HS6ST2: variants seen among roughly 807,000 people sequenced by gnomAD.
HS6ST2 encodes heparan-sulfate 6-O-sulfotransferase 2.
In HS6ST2, 17 loss-of-function variants were observed where a neutral mutation model predicts 33.0. That is an observed-to-expected ratio of 0.52 (90% CI 0.35 to 0.77). The LOEUF (loss-of-function observed/expected upper bound fraction) is 0.77, where lower values mean the gene tolerates loss of function less well. HS6ST2 is among the 30% of genes least tolerant of loss of function. The probability of loss-of-function intolerance (pLI) is 0.01; values close to 1 mark genes in which losing one functional copy is unlikely to be tolerated. For missense variants in HS6ST2, 519 were observed against 551.7 expected (o/e 0.94, Z 0.59); for synonymous variants, 248 against 237.1 (o/e 1.05, Z -0.42).
chrX:132,642,151 A>G (rs1419800415), intron 4 of HS6ST2, among the ~76,000 whole-genome samples: 2 of 110,620 alleles, frequency 1.8e-5, no homozygotes, highest in Non-Finnish European at 3.8e-5. Context: ...CCGTCAATAA[A>G]TATTAAGGCA....
intron 2 of HS6ST2, among the ~76,000 whole-genome samples, chrX:132,767,410 G>C (rs750829608): frequency 5.0e-4 from 56 of 111,606 alleles, no homozygotes; most frequent in Non-Finnish European, 9.0e-4. Flanking sequence ...GTAGTGAAGA[G>C]GTCTCGCTGT....
intron 2 of HS6ST2, among the ~76,000 whole-genome samples, chrX:132,956,353 C>T (rs1285541618): frequency 9.9e-6 from 1 of 101,454 alleles, no homozygotes; most frequent in Non-Finnish European, 2.0e-5. Flanking sequence ...GGGGGGAAAG[C>T]GGGGGGAGGG....
intron 2 of HS6ST2, among the ~76,000 whole-genome samples, chrX:132,951,862 T>C (rs1456422428): frequency 8.9e-6 from 1 of 112,551 alleles, no homozygotes; most frequent in Non-Finnish European, 1.9e-5. Flanking sequence ...AAAGACATTA[T>C]TGATTTTCAA....
intron 2 of HS6ST2, among the ~76,000 whole-genome samples, chrX:132,945,622 C>G (rs2066944167): frequency 9.1e-6 from 1 of 110,013 alleles, no homozygotes; most frequent in African/African-American, 3.3e-5. Flanking sequence ...CCAATGATGA[C>G]AGACTGGATT....
chrX:132,826,883 C>G (rs1189088925), intron 2 of HS6ST2, among the ~76,000 whole-genome samples: 3 of 111,168 alleles, frequency 2.7e-5, no homozygotes, highest in African/African-American at 9.8e-5. Context: ...AGCTGGGGAC[C>G]TGTCTACAGA....
chrX:132,895,605 C>T (rs1481272370), intron 2 of HS6ST2, among the ~76,000 whole-genome samples: 3 of 111,534 alleles, frequency 2.7e-5, no homozygotes, highest in Non-Finnish European at 5.6e-5. Flanking sequence ...TAGATGAGGG[C>T]TTTATATGCA....
chrX:132,725,713 A>G (rs935635257), intron 2 of HS6ST2, among the ~76,000 whole-genome samples: 1 of 112,302 alleles, frequency 8.9e-6, no homozygotes, highest in South Asian at 3.7e-4. Context: ...CTGCACTCCC[A>G]TGTTTGTTGC....
Position 132,956,800 on chromosome X carries a change from G to T in HS6ST2, c.947+8C>A, listed in dbSNP as rs1196747171. The T allele has an allele frequency of 8.7e-7, 1 of 1,154,598 alleles. No homozygotes were observed. The highest frequency in any genetic ancestry group is 3.3e-5 in the East Asian group (1 of 30,462). ...CCGGGTCCCGCTCGACTACCGGCGC[G>T]CACTCACCTGGACGGTCTCAGCCTG... is the stretch of plus-strand genomic sequence containing the variant. On this transcript the variant is annotated splice_region_variant and intron_variant, in intron 2 of 4. Transcript: ENST00000370833.
At position 132,787,167 on chromosome X, in the gene HS6ST2, G is replaced by GTGTATATATA. The variant is rs1405731624; in HGVS notation, c.948-78674_948-78673insTATATATACA. ...AAAGTGTGTGTGTGTATATATATATGTATATATATATATATATATACATAT... is the reference window on the plus strand; with the variant it reads ...AAAGTGTGTGTGTGTATATATATATGTGTATATATATATATATATATATATATATACATAT... On this transcript the variant is annotated intron_variant, in intron 2 of 4. Transcript: ENST00000370833. Among the ~76,000 whole-genome samples, 69 of 51,357 alleles carry GTGTATATATA rather than the reference G, an allele frequency of 1.3e-3. 1 individual carries two copies. Among genetic ancestry groups the GTGTATATATA allele is most frequent in the African/African-American group, 3.5e-3 (35 of 10,084 alleles). 44.6% of individuals were successfully genotyped at this position (51,357 alleles called of 115,157 possible).
chrX:132,665,643 A>G (rs2063803442), intron 4 of HS6ST2, among the ~76,000 whole-genome samples: 1 of 111,588 alleles, frequency 9.0e-6, no homozygotes, highest in African/African-American at 3.3e-5. Flanking sequence ...ACATTACCAA[A>G]GGGAACCATA....
intron 2 of HS6ST2, among the ~76,000 whole-genome samples, chrX:132,888,784 G>A (rs1166597784): frequency 2.7e-5 from 3 of 111,247 alleles, no homozygotes; most frequent in Non-Finnish European, 3.8e-5. Flanking sequence ...GATTACAGGT[G>A]TGAGCCAACG....
intron 2 of HS6ST2, among the ~76,000 whole-genome samples, chrX:132,849,272 C>T (rs1201407547): frequency 6.3e-5 from 7 of 110,937 alleles, no homozygotes; most frequent in South Asian, 7.7e-4. Flanking sequence ...CAGTCAAAAA[C>T]GTGGATGCAA....
At chrX:132,733,055 A>T (rs188459328) in intron 2 of HS6ST2, among the ~76,000 whole-genome samples, 16 of 112,079 alleles carry the variant, frequency 1.4e-4, no homozygotes, top group Admixed American at 2.8e-4. Flanking sequence ...ATCACCAAGG[A>T]CATTAGAGCC....
At chrX:132,851,665 G>T (rs947378473) in intron 2 of HS6ST2, among the ~76,000 whole-genome samples, 1 of 111,562 alleles carries the variant, frequency 9.0e-6, no homozygotes, top group Non-Finnish European at 1.9e-5. Context: ...TTTCCAACAA[G>T]GGTGATATTG....
In HS6ST2 at chrX:132,810,241, G is replaced by T. The variant is rs570612615; in HGVS notation, c.948-101747C>A. 2.7e-5 allele frequency among the ~76,000 whole-genome samples: 3 copies of T among 109,493 alleles called. No homozygotes were observed. In the South Asian group the frequency reaches 1.2e-3, roughly 45 times the overall value. On this transcript the variant is annotated intron_variant, in intron 2 of 4. Coordinates refer to ENST00000370833, the MANE Select transcript of HS6ST2 (RefSeq NM_001394073.1). ...GGCAACATAATGACACCTCATCTCT[G>T]TAATTTTTTTTTTAAACAGCTAGGC...
intron 2 of HS6ST2, among the ~76,000 whole-genome samples, chrX:132,909,559 A>G (rs1264271317): frequency 8.9e-6 from 1 of 111,757 alleles, no homozygotes; most frequent in Non-Finnish European, 1.9e-5. Context: ...TTTTTTCTAC[A>G]CTCATGAAAA....
chrX:132,954,355 C>T lies in HS6ST2; in HGVS notation c.947+2453G>A, dbSNP rs1360816584. Among the ~76,000 whole-genome samples the T allele has an allele frequency of 2.7e-5, 3 of 111,812 alleles. No individual in the cohort carries two copies. In the East Asian group the frequency reaches 8.4e-4, roughly 31 times the overall value. On this transcript the variant is annotated intron_variant, in intron 2 of 4. Coordinates refer to ENST00000370833, the MANE Select transcript of HS6ST2 (RefSeq NM_001394073.1). ...TGACACAGGAACTCCCAAAAGCAGA[C>T]TCTCCCATTTCCAGACACCAGCTTC... is the stretch of plus-strand genomic sequence containing the variant.
intron 2 of HS6ST2, among the ~76,000 whole-genome samples, chrX:132,752,588 G>A (rs2064717357): frequency 8.9e-6 from 1 of 111,850 alleles, no homozygotes; most frequent in East Asian, 2.8e-4. Context: ...TCAGAAATGG[G>A]ATGGTATGCT....
chrX:132,855,771 T>C (rs764871783), intron 2 of HS6ST2, among the ~76,000 whole-genome samples: 1 of 111,646 alleles, frequency 9.0e-6, no homozygotes, highest in Non-Finnish European at 1.9e-5. Flanking sequence ...GGAATTCAAC[T>C]ACAATAGTTT....
Sources: gnomAD v4.1 joint callset for allele counts (sites outside exome capture counted in the v4.1 genomes callset) on GRCh38, gnomAD v4.1.1 for gene constraint, MANE v1.5 for transcripts, NCBI Gene and HGNC (gene_info 2026-07-23, HGNC 2026-07-21) for gene names.